Variants in ARGFX observed in about 807,000 individuals in gnomAD.
The protein encoded by ARGFX is arginine-fifty homeobox.
In ARGFX, 10 loss-of-function variants were observed where a neutral mutation model predicts 8.0. The ratio of observed to expected loss-of-function variants is 1.25; its 90% CI spans 0.77 to 2.12. The LOEUF (loss-of-function observed/expected upper bound fraction) is 2.12, where lower values mean the gene tolerates loss of function less well. ARGFX is among the 30% of genes most tolerant of loss of function. ARGFX has a pLI of 0.00. For missense variants in ARGFX, 282 were observed against 324.3 expected, an observed-to-expected ratio of 0.87 and a Z score of 1.00; for synonymous variants, 116 against 117.8, an observed-to-expected ratio of 0.98 and a Z score of 0.10.
intron 2 of ARGFX, among the ~76,000 whole-genome samples, chr3:121,571,493 T>G (rs1337817649): frequency 6.6e-6 from 1 of 151,784 alleles, no homozygotes; most frequent in Non-Finnish European, 1.5e-5. Flanking sequence ...AACTATAAAA[T>G]GTTGCTGAAA....
intron 2 of ARGFX, among the ~76,000 whole-genome samples, chr3:121,576,368 T>C (rs551557791): frequency 4.1e-4 from 63 of 152,306 alleles, no homozygotes; most frequent in Non-Finnish European, 7.6e-4. Context: ...AGATGGAGCC[T>C]TGCTCTTTCA....
intron 2 of ARGFX, among the ~76,000 whole-genome samples, chr3:121,573,848 C>CAAAAA (rs35593006): frequency 3.1e-4 from 18 of 58,990 alleles, no homozygotes; most frequent in Admixed American, 5.0e-4. Flanking sequence ...AACTCCATCT[C>CAAAAA]AAAAAAAAAA....
rs764266494 is a variant in ARGFX, at chr3:121,576,892, C to A, written c.212C>A (p.Ala71Glu). 6 of 363,622 alleles carry A rather than the reference C, an allele frequency of 1.7e-5. No homozygotes were observed. Among genetic ancestry groups the A allele is most frequent in the East Asian group, 9.8e-5 (1 of 10,230 alleles). 22.5% of individuals were successfully genotyped at this position (363,622 alleles called of 1,614,324 possible). ...CCCACCTCAGCCTCCCGAGTAGCTG[C>A]GACTACAGGTGCGTGCCACTACACC... ...DPPTSASRVA[A>E]TTAIRRRHKE... is the part of the protein sequence containing the mutation. The change falls in exon 3 of 5, where the codon GCG becomes GAG. Residue 71 changes from alanine to glutamate, a missense_variant. Ala to Glu is a moderately radical substitution (Grantham distance 107, BLOSUM62 -1). Transcript: ENST00000334384.
At chr3:121,573,848 CAAAA>C (rs35593006) in intron 2 of ARGFX, among the ~76,000 whole-genome samples, 92 of 59,032 alleles carry the variant, frequency 1.6e-3, no homozygotes, top group South Asian at 7.2e-3. Context: ...AACTCCATCT[CAAAA>C]AAAAAAAAAA....
At chr3:121,580,022 A>G (rs1005864319) in intron 3 of ARGFX, among the ~76,000 whole-genome samples, 21 of 128,136 alleles carry the variant, frequency 1.6e-4, no homozygotes, top group Non-Finnish European at 2.3e-4. Flanking sequence ...GCGCGGTCTC[A>G]GCTTACTGCA....
At chr3:121,569,409 A>T (rs1049922488) in intron 1 of ARGFX, among the ~76,000 whole-genome samples, 9 of 129,926 alleles carry the variant, frequency 6.9e-5, no homozygotes, top group Non-Finnish European at 9.3e-5. Context: ...TCTGTCGCCC[A>T]GGCTGGAGTG....
At chr3:121,570,847 T>C in intron 2 of ARGFX, 31 bp downstream of exon 2, 1 of 1,456,798 alleles carries the variant, frequency 6.9e-7, no homozygotes, top group South Asian at 1.3e-5. Flanking sequence ...TCCTCTTTCC[T>C]TTTCTACTGC....
chr3:121,577,259 A>ATTTTTTTTT (rs869249692), intron 3 of ARGFX, among the ~76,000 whole-genome samples: 21 of 59,624 alleles, frequency 3.5e-4, no homozygotes, highest in African/African-American at 1.3e-3. Flanking sequence ...ATATATATAT[A>ATTTTTTTTT]TTTTTTTTTT....
rs1576439991 is a variant in ARGFX, at chr3:121,571,469, A to T, written c.103+653A>T. On this transcript the variant is annotated intron_variant, in intron 2 of 4. Transcript: ENST00000334384. ...ATAAACTTAACTAAGGATGTGAAAG[A>T]CTTGTCCATTGAAAACTATAAAATG... Among the ~76,000 whole-genome samples, 7 of 152,114 alleles carry T rather than the reference A, an allele frequency of 4.6e-5. No homozygotes were observed. The South Asian group carries it at 1.4e-3, about 32-fold the overall frequency.
intron 3 of ARGFX, among the ~76,000 whole-genome samples, chr3:121,580,594 G>GTGTGTA (rs1394661822): frequency 3.7e-4 from 27 of 73,412 alleles, no homozygotes; most frequent in Non-Finnish European, 4.6e-4. Context: ...GTGTGTGTGT[G>GTGTGTA]TATATATATA....
chr3:121,572,900 G>C (rs902801438), intron 2 of ARGFX, among the ~76,000 whole-genome samples: 5 of 152,132 alleles, frequency 3.3e-5, no homozygotes, highest in Non-Finnish European at 7.3e-5. Context: ...AATTGGGAGA[G>C]GACAGTCTCT....
chr3:121,582,471 G>A (rs1420337959), intron 3 of ARGFX, among the ~76,000 whole-genome samples: 1 of 151,864 alleles, frequency 6.6e-6, no homozygotes, highest in East Asian at 1.9e-4. Context: ...TAAGTATATT[G>A]GATTTCACAT....
At chr3:121,577,181 G>A (rs1383738574) in intron 3 of ARGFX, among the ~76,000 whole-genome samples, 5 of 109,990 alleles carry the variant, frequency 4.5e-5, no homozygotes, top group Admixed American at 9.8e-5. Flanking sequence ...AGTGTGTTGT[G>A]TATATATGTA....
chr3:121,575,327 A>G (rs934246321), intron 2 of ARGFX, among the ~76,000 whole-genome samples: 5 of 152,272 alleles, frequency 3.3e-5, no homozygotes, highest in African/African-American at 7.2e-5. Context: ...TCAAAAAAAA[A>G]AAAAAGAAAA....
chr3:121,588,236 G>A lies in ARGFX; in HGVS notation c.*1636G>A, dbSNP rs2048824462. Among the ~76,000 whole-genome samples, 1 of 150,636 alleles carries A rather than the reference G, an allele frequency of 6.6e-6. No individual in the cohort carries two copies. The highest frequency in any genetic ancestry group is 1.5e-5 in the Non-Finnish European group (1 of 67,714). On this transcript the variant is annotated 3_prime_UTR_variant, in exon 5 of 5. Coordinates refer to ENST00000334384, the MANE Select transcript of ARGFX (RefSeq NM_001012659.2). ...TAATCCCAGCACTTTGGGAGGCCGA[G>A]GCGGGCGGATCACGAGGTCAGGAGA...
chr3:121,574,527 C>T (rs1248394743), intron 2 of ARGFX, among the ~76,000 whole-genome samples: 1 of 152,186 alleles, frequency 6.6e-6, no homozygotes, highest in Non-Finnish European at 1.5e-5. Flanking sequence ...ACTTAGATCC[C>T]TCACCTGTGC....
At chr3:121,576,706 TTTTTCTTTCTTTCTTTC>T (rs1437030395) in intron 2 of ARGFX, 61 bp from the exon 3 acceptor site, 5 of 179,962 alleles carry the variant, frequency 2.8e-5, no homozygotes, top group South Asian at 4.8e-5. Flanking sequence ...TCTTTCTTTC[TTTTTCTTTCTTTCTTTC>T]TTTCTTTCTT....
intron 3 of ARGFX, among the ~76,000 whole-genome samples, chr3:121,581,808 T>A (rs956484627): frequency 6.6e-6 from 1 of 151,646 alleles, no homozygotes; most frequent in Middle Eastern, 3.4e-3. Context: ...GAGGCTGAGG[T>A]GGGAGAATCA....
intron 3 of ARGFX, among the ~76,000 whole-genome samples, chr3:121,577,216 T>G (rs1359936844): frequency 2.1e-4 from 26 of 126,680 alleles, no homozygotes; most frequent in African/African-American, 8.0e-4. Context: ...TATATATATA[T>G]CTACATGTAC....
Sources: gnomAD v4.1 joint callset for allele counts (sites outside exome capture counted in the v4.1 genomes callset) on GRCh38, gnomAD v4.1.1 for gene constraint, MANE v1.5 for transcripts, NCBI Gene and HGNC (gene_info 2026-07-23, HGNC 2026-07-21) for gene names.